TP53BP1: variants seen among roughly 807,000 people sequenced by gnomAD.
TP53BP1 encodes tumor protein p53 binding protein 1.
Under a neutral mutation model 200.8 loss-of-function variants are expected in TP53BP1, and 61 were observed. The observed-to-expected ratio is 0.30, with a 90% CI of 0.25 to 0.38. The LOEUF is 0.38. Ranked by LOEUF, TP53BP1 falls within the 10% of genes least tolerant of loss-of-function variation. The pLI is 1.00. For synonymous variants in TP53BP1, 822 were observed against 844.3 expected, an observed-to-expected ratio of 0.97 and a Z score of 0.46; for missense variants, 2,144 against 2,371.9, an observed-to-expected ratio of 0.90 and a Z score of 2.00.
In TP53BP1 at chr15:43,446,587, A is replaced by T. The variant is rs1223862616; in HGVS notation, c.2840T>A (p.Ile947Asn). ...TATGGTGCTTTCTGGATAGTTGCTA[A>T]TACCTGAAAGAAGTGAGGCAGGGAG... ...EPKRHSTPIG[I>N]SNYPESTIAT... is the part of the protein sequence containing the mutation. The change falls in exon 14 of 28, where the codon ATT (isoleucine) becomes AAT (asparagine). Residue 947 changes from isoleucine to asparagine, a missense_variant. This residue lies in a region of TP53BP1 where 1,700 missense variants were observed against 1,710.3 expected (regional missense o/e 0.99). Transcript: ENST00000382044. 13 of 1,612,194 alleles carry T rather than the reference A, an allele frequency of 8.1e-6. No individual in the cohort carries two copies. Among genetic ancestry groups the T allele is most frequent in the Non-Finnish European group, 1.1e-5 (13 of 1,178,816 alleles).
intron 11 of TP53BP1, among the ~76,000 whole-genome samples, chr15:43,466,657 GAC>G (rs1482310576): frequency 6.6e-6 from 1 of 152,146 alleles, no homozygotes; most frequent in Non-Finnish European, 1.5e-5. Flanking sequence ...AGTAGTTCAA[GAC>G]CAGCCTGGGC....
chr15:43,447,248 TA>T, intron 13 of TP53BP1, 117 bp downstream of exon 13: 1 of 1,125,712 alleles, frequency 8.9e-7, no homozygotes, highest in Non-Finnish European at 1.3e-6. Context: ...CTATTTTCCC[TA>T]AAACAAAAAT....
rs1408594663 is a variant in TP53BP1, at chr15:43,438,400, A to G, written c.3115T>C (p.Ser1039Pro). Residue 1039 changes from serine (S) to proline (P), a missense_variant, in exon 16 of 28, where the codon TCT (serine) becomes CCT (proline). Coordinates refer to ENST00000382044, the MANE Select transcript of TP53BP1 (RefSeq NM_001141980.3). ...GCTTCACAGATACAGCTCAACACAGACATGGTCTTCTGGGGACTAAGACAA... is the reference window on the plus strand; with the variant it reads ...GCTTCACAGATACAGCTCAACACAGGCATGGTCTTCTGGGGACTAAGACAA... ...ESVASPQKTM[S>P]VLSCICEARQ... 1.9e-6 allele frequency: 3 copies of G among 1,612,160 alleles called. No homozygotes were observed. Among genetic ancestry groups the G allele is most frequent in the African/African-American group, 1.3e-5 (1 of 74,842 alleles).
intron 19 of TP53BP1, 25 bp downstream of exon 19, chr15:43,421,830 C>T: frequency 6.2e-7 from 1 of 1,613,164 alleles, no homozygotes; most frequent in South Asian, 1.1e-5. Context: ...CTGTGGCTCT[C>T]TCTCTCTGGA....
At chr15:43,501,348 G>A (rs188620713) in intron 1 of TP53BP1, among the ~76,000 whole-genome samples, 37 of 151,698 alleles carry the variant, frequency 2.4e-4, no homozygotes, top group African/African-American at 8.5e-4. Context: ...CTCGGGGCTG[G>A]GACTACAGGT....
chr15:43,455,741 C>T, intron 12 of TP53BP1, 151 bp downstream of exon 12: 1 of 1,068,718 alleles, frequency 9.4e-7, no homozygotes, highest in Non-Finnish European at 1.3e-6. Context: ...AAAGGCAATC[C>T]AAAAAATTTA....
At chr15:43,460,222 C>A (rs1184517715) in intron 11 of TP53BP1, among the ~76,000 whole-genome samples, 2 of 152,118 alleles carry the variant, frequency 1.3e-5, no homozygotes, top group Admixed American at 1.3e-4. Context: ...TGTAAAACTC[C>A]CAACATAGAT....
At chr15:43,441,450 C>T (rs990053966) in intron 15 of TP53BP1, 76 bp downstream of exon 15, 204 of 969,434 alleles carry the variant, frequency 2.1e-4, no homozygotes, top group Non-Finnish European at 3.1e-4. Flanking sequence ...TAACTTTTTT[C>T]CTTTGTTGAT....
At position 43,456,897 on chromosome 15, in the gene TP53BP1, T is replaced by C; in HGVS notation, c.1711A>G (p.Ser571Gly). Residue 571 changes from serine (S) to glycine (G), a missense_variant, in exon 12 of 28, where the codon AGT (serine) becomes GGT (glycine). By Grantham distance (56) the Ser-to-Gly change is moderately conservative (BLOSUM62 0). This residue lies in a region of TP53BP1 where 1,700 missense variants were observed against 1,710.3 expected (regional missense o/e 0.99). Transcript: ENST00000382044. ...NSKFVPAEND[S>G]ILMNPAQDGE... Reference sequence around the variant, plus strand: ...TCCTGTGCTGGATTCATCAGGATACTATCATTTTCAGCAGGAACAAATTTA... The same window carrying C: ...TCCTGTGCTGGATTCATCAGGATACCATCATTTTCAGCAGGAACAAATTTA... 6.2e-7 allele frequency: 1 copy of C among 1,614,116 alleles called. No homozygotes were observed. Among genetic ancestry groups the C allele is most frequent in the Non-Finnish European group, 8.5e-7 (1 of 1,180,042 alleles).
At chr15:43,430,166 C>T (rs966927055) in intron 17 of TP53BP1, among the ~76,000 whole-genome samples, 7 of 152,234 alleles carry the variant, frequency 4.6e-5, no homozygotes, top group Non-Finnish European at 2.9e-5. Context: ...TAAAACCACA[C>T]TTTCCCTTCC....
chr15:43,482,327 T>C (rs1305422603), intron 4 of TP53BP1, among the ~76,000 whole-genome samples: 1 of 151,908 alleles, frequency 6.6e-6, no homozygotes, highest in Non-Finnish European at 1.5e-5. Context: ...TAATAACATA[T>C]ATCACCGTTA....
chr15:43,508,768 A>C (rs775021900), intron 1 of TP53BP1, among the ~76,000 whole-genome samples: 1 of 152,232 alleles, frequency 6.6e-6, no homozygotes, highest in Non-Finnish European at 1.5e-5. Context: ...TGACATTGTC[A>C]GACTTTGGCA....
intron 1 of TP53BP1, among the ~76,000 whole-genome samples, chr15:43,502,453 G>A (rs1350346240): frequency 1.3e-5 from 2 of 151,782 alleles, no homozygotes; most frequent in Non-Finnish European, 2.9e-5. Context: ...GATATCTCAT[G>A]TTTGTTTTTT....
At chr15:43,507,444 C>A (rs971504743) in intron 1 of TP53BP1, among the ~76,000 whole-genome samples, 5 of 152,278 alleles carry the variant, frequency 3.3e-5, no homozygotes, top group Admixed American at 1.3e-4. Flanking sequence ...TAGTCCAATT[C>A]TTTGTTCAAT....
chr15:43,465,747 C>T (rs2046559787), intron 11 of TP53BP1, among the ~76,000 whole-genome samples: 1 of 152,132 alleles, frequency 6.6e-6, no homozygotes, highest in African/African-American at 2.4e-5. Context: ...TAAAGAAAAA[C>T]CAGATCACCT....
Position 43,404,677 on chromosome 15 carries a change from T to G in TP53BP1, c.*2706A>C. 2 of 1,011,684 alleles carry G rather than the reference T, an allele frequency of 2.0e-6. No homozygotes were observed. Among genetic ancestry groups the G allele is most frequent in the Non-Finnish European group, 2.9e-6 (2 of 694,888 alleles). The allele number at this position is 1,011,684 out of a possible 1,614,324, so 62.7% of individuals were successfully genotyped here. Reference sequence around the variant, plus strand: ...TCATTTTATAAGTAAGGCTTAGAGATAGAGGTGTGACCATCTTTAATAATT... The same window carrying G: ...TCATTTTATAAGTAAGGCTTAGAGAGAGAGGTGTGACCATCTTTAATAATT... On this transcript the variant is annotated 3_prime_UTR_variant, in exon 28 of 28. Transcript: ENST00000382044.
intron 14 of TP53BP1, among the ~76,000 whole-genome samples, chr15:43,444,591 G>A (rs1313969931): frequency 2.6e-5 from 4 of 152,144 alleles, no homozygotes; most frequent in Admixed American, 6.6e-5. Flanking sequence ...TAGGGAAGGC[G>A]CTCAACCTTC....
At chr15:43,409,370 C>T (rs1474657927) in intron 25 of TP53BP1, 6 of 572,272 alleles carry the variant, frequency 1.0e-5, no homozygotes, top group Non-Finnish European at 1.6e-5. Context: ...TAAAAATCAG[C>T]AACCCTAATA....
chr15:43,507,005 C>G (rs2079240810), intron 1 of TP53BP1, among the ~76,000 whole-genome samples: 1 of 152,214 alleles, frequency 6.6e-6, no homozygotes, highest in Admixed American at 6.5e-5. Context: ...GGTACTTAAA[C>G]CCAAGAAGAT....
Sources: gnomAD v4.1 joint callset for allele counts (sites outside exome capture counted in the v4.1 genomes callset) on GRCh38, gnomAD v4.1.1 for gene constraint, gnomAD v4.1.1 regional missense constraint, MANE v1.5 for transcripts, NCBI Gene and HGNC (gene_info 2026-07-23, HGNC 2026-07-21) for gene names.